RBFOX1: variants seen among roughly 807,000 people sequenced by gnomAD.
RBFOX1 encodes RNA binding fox-1 homolog 1, also known as RNA binding protein fox-1 homolog 1.
RBFOX1 carries 8 observed loss-of-function variants against 57.7 expected under a neutral mutation model. That is an observed-to-expected ratio of 0.14 (90% CI 0.08 to 0.25). The LOEUF (loss-of-function observed/expected upper bound fraction) is 0.25, where lower values mean the gene tolerates loss of function less well. RBFOX1 is among the 10% of genes least tolerant of loss of function. The pLI is 1.00. For missense variants in RBFOX1, 611 were observed against 548.5 expected (o/e 1.11, Z -1.14); for synonymous variants, 326 against 222.4 (o/e 1.47, Z -4.15).
At chr16:6,248,691 G>C (rs1283655580) in intron 1 of RBFOX1, among the ~76,000 whole-genome samples, 2 of 152,110 alleles carry the variant, frequency 1.3e-5, no homozygotes, top group Non-Finnish European at 2.9e-5. Context: ...GGGGTGATTT[G>C]ATATAGAGGT....
At chr16:6,764,386 A>G (rs1295444325) in intron 3 of RBFOX1, among the ~76,000 whole-genome samples, 1 of 152,180 alleles carries the variant, frequency 6.6e-6, no homozygotes, top group East Asian at 1.9e-4. Context: ...CGGGCCAAGC[A>G]GTGTCTGGTA....
chr16:6,878,676 C>G lies in RBFOX1; in HGVS notation c.-15-173381C>G, dbSNP rs2062310110. Among the ~76,000 whole-genome samples the G allele has an allele frequency of 2.6e-5, 4 of 152,068 alleles. No homozygotes were observed. In the South Asian group the frequency reaches 6.2e-4, roughly 24 times the overall value. ...TAGCGTCAGTTTAATTCAAAGGTAACTCAACAGCAAGAAACAGAAAGTAAC... is the reference window on the plus strand; with the variant it reads ...TAGCGTCAGTTTAATTCAAAGGTAAGTCAACAGCAAGAAACAGAAAGTAAC... On this transcript the variant is annotated intron_variant, in intron 3 of 15. Coordinates refer to ENST00000550418, the MANE Select transcript of RBFOX1 (RefSeq NM_018723.4).
At chr16:7,264,506 A>G (rs2095053637) in intron 4 of RBFOX1, among the ~76,000 whole-genome samples, 1 of 152,220 alleles carries the variant, frequency 6.6e-6, no homozygotes, top group Admixed American at 6.5e-5. Flanking sequence ...TAAGTATGTT[A>G]GTCTTTGCTG....
intron 4 of RBFOX1, among the ~76,000 whole-genome samples, chr16:7,334,474 C>T (rs1460354819): frequency 6.6e-6 from 1 of 152,158 alleles, no homozygotes; most frequent in Non-Finnish European, 1.5e-5. Context: ...GTCAGACCCT[C>T]TGCCGACCCA....
intron 4 of RBFOX1, among the ~76,000 whole-genome samples, chr16:7,064,934 G>A (rs936971846): frequency 6.6e-6 from 1 of 152,160 alleles, no homozygotes; most frequent in African/African-American, 2.4e-5. Context: ...TTAAAAAATA[G>A]TGGACTCCCT....
At chr16:5,347,934 A>C (rs1596604019) in intron 1 of RBFOX1, among the ~76,000 whole-genome samples, 1 of 61,524 alleles carries the variant, frequency 1.6e-5, no homozygotes, top group African/African-American at 6.6e-5. Context: ...CCATCCTTCC[A>C]CTCAATCATG....
At chr16:7,370,635 A>G (rs1217937898) in intron 4 of RBFOX1, among the ~76,000 whole-genome samples, 1 of 152,180 alleles carries the variant, frequency 6.6e-6, no homozygotes, top group Non-Finnish European at 1.5e-5. Context: ...TCATTAGCAC[A>G]TCCTAGGCAT....
intron 4 of RBFOX1, among the ~76,000 whole-genome samples, chr16:7,230,116 A>G (rs2093414139): frequency 6.7e-6 from 1 of 148,906 alleles, no homozygotes; most frequent in Admixed American, 6.7e-5. Flanking sequence ...GAAGGGAGAG[A>G]TGGAAAGGAG....
At chr16:7,531,160 G>A (rs1017943467) in intron 5 of RBFOX1, among the ~76,000 whole-genome samples, 1 of 152,148 alleles carries the variant, frequency 6.6e-6, no homozygotes, top group Non-Finnish European at 1.5e-5. Context: ...ATGTAGAGTT[G>A]CAAATCATAC....
intron 4 of RBFOX1, among the ~76,000 whole-genome samples, chr16:7,056,258 A>G (rs2052218577): frequency 6.6e-6 from 1 of 152,148 alleles, no homozygotes; most frequent in Admixed American, 6.5e-5. Context: ...GATTACTTAC[A>G]TCGCTCGGTT....
chr16:7,445,890 T>C (rs2098803987), intron 4 of RBFOX1, among the ~76,000 whole-genome samples: 1 of 152,208 alleles, frequency 6.6e-6, no homozygotes, highest in Non-Finnish European at 1.5e-5. Flanking sequence ...CTCAATTGGA[T>C]GGTGAGTATT....
At chr16:5,390,921 C>G (rs1417311250) in intron 1 of RBFOX1, among the ~76,000 whole-genome samples, 1 of 152,192 alleles carries the variant, frequency 6.6e-6, no homozygotes, top group Non-Finnish European at 1.5e-5. Flanking sequence ...AGAGGGAAGA[C>G]TAGATGCCAG....
chr16:5,290,007 T>C (rs1166413718), intron 1 of RBFOX1, among the ~76,000 whole-genome samples: 1 of 152,242 alleles, frequency 6.6e-6, no homozygotes, highest in African/African-American at 2.4e-5. Flanking sequence ...AGATGGAACA[T>C]GGTTTGACCA....
intron 1 of RBFOX1, among the ~76,000 whole-genome samples, chr16:6,087,037 G>A (rs2096096141): frequency 6.6e-6 from 1 of 152,172 alleles, no homozygotes; most frequent in Admixed American, 6.5e-5. Flanking sequence ...GAGTGGTGAT[G>A]TGGAGTGAGA....
intron 3 of RBFOX1, among the ~76,000 whole-genome samples, chr16:5,606,788 A>G (rs1329382380): frequency 6.6e-6 from 1 of 152,124 alleles, no homozygotes; most frequent in Non-Finnish European, 1.5e-5. Flanking sequence ...TGGGAGTCGT[A>G]ACACTGATTG....
At chr16:6,241,406 T>C (rs888964910) in intron 1 of RBFOX1, among the ~76,000 whole-genome samples, 1 of 152,148 alleles carries the variant, frequency 6.6e-6, no homozygotes, top group African/African-American at 2.4e-5. Context: ...TCATGGTACT[T>C]AATAAATTGT....
At chr16:7,085,595 G>A (rs1263433819) in intron 4 of RBFOX1, among the ~76,000 whole-genome samples, 2 of 152,058 alleles carry the variant, frequency 1.3e-5, no homozygotes, top group Non-Finnish European at 2.9e-5. Context: ...ACATATGCCT[G>A]CAAAATTTTA....
At chr16:6,197,691 T>C (rs1442812203) in intron 1 of RBFOX1, among the ~76,000 whole-genome samples, 1 of 151,946 alleles carries the variant, frequency 6.6e-6, no homozygotes, top group Non-Finnish European at 1.5e-5. Context: ...TTTTCTTATA[T>C]AGATAAAGTC....
At chr16:7,271,171 C>A (rs951493090) in intron 4 of RBFOX1, among the ~76,000 whole-genome samples, 1 of 152,184 alleles carries the variant, frequency 6.6e-6, no homozygotes, top group Non-Finnish European at 1.5e-5. Flanking sequence ...TTCTTAGTGT[C>A]CTTTTCCCCT....
Sources: allele counts gnomAD v4.1 joint callset (sites outside exome capture counted in the v4.1 genomes callset), GRCh38; gene constraint gnomAD v4.1.1; transcripts MANE v1.5; gene names NCBI Gene and HGNC (gene_info 2026-07-23, HGNC 2026-07-21).